GSE1: variants seen among roughly 807,000 people sequenced by gnomAD.
GSE1 encodes the protein genetic suppressor element 1.
A neutral mutation model predicts 112.6 loss-of-function variants in GSE1; 32 were observed. The observed-to-expected ratio is 0.28, with a 90% CI of 0.21 to 0.38. GSE1 has a LOEUF of 0.38. Ranked by LOEUF, GSE1 falls within the 10% of genes least tolerant of loss-of-function variation. GSE1 has a pLI of 1.00. For missense variants in GSE1, 2,348 were observed against 1,699.2 expected (o/e 1.38, Z -6.71); for synonymous variants, 1,115 against 735.6 (o/e 1.52, Z -8.35).
chr16:85,560,803 G>A (rs1036782544), intron 1 of GSE1, among the ~76,000 whole-genome samples: 3 of 151,974 alleles, frequency 2.0e-5, no homozygotes, highest in East Asian at 1.9e-4. Flanking sequence ...ACTCAGTGCC[G>A]GGCCAGTAAT....
chr16:85,559,040 T>C (rs1452880686), intron 1 of GSE1, among the ~76,000 whole-genome samples: 1 of 152,140 alleles, frequency 6.6e-6, no homozygotes, highest in African/African-American at 2.4e-5. Context: ...GTATTTTTAG[T>C]AGAGATGGGG....
intron 1 of GSE1, among the ~76,000 whole-genome samples, chr16:85,618,210 AG>A (rs201999105): frequency 6.6e-6 from 1 of 151,964 alleles, no homozygotes; most frequent in African/African-American, 2.4e-5. Context: ...AGGTGGCGTG[AG>A]GGGGGTGCGT....
At chr16:85,345,281 C>T (rs1002879051) in intron 1 of GSE1, among the ~76,000 whole-genome samples, 5 of 152,160 alleles carry the variant, frequency 3.3e-5, no homozygotes, top group Non-Finnish European at 7.3e-5. Flanking sequence ...TTTTAGTGTC[C>T]GTAAATAAAG....
intron 1 of GSE1, among the ~76,000 whole-genome samples, chr16:85,302,471 C>T (rs2045555339): frequency 6.6e-6 from 1 of 151,628 alleles, no homozygotes; most frequent in Non-Finnish European, 1.5e-5. Flanking sequence ...CCCACACACA[C>T]ACCGATAGTA....
intron 2 of GSE1, among the ~76,000 whole-genome samples, chr16:85,365,218 G>T (rs1028395947): frequency 1.3e-5 from 2 of 152,208 alleles, no homozygotes; most frequent in African/African-American, 4.8e-5. Context: ...CCCGCCCCCA[G>T]TATCCCCGGG....
chr16:85,540,498 AT>A (rs1404346680), intron 2 of GSE1, among the ~76,000 whole-genome samples: 1 of 152,326 alleles, frequency 6.6e-6, no homozygotes, highest in Middle Eastern at 3.4e-3. Context: ...AAAAACAGAA[AT>A]TCAAATTTGC....
intron 2 of GSE1, among the ~76,000 whole-genome samples, chr16:85,404,653 T>A (rs193288193): frequency 2.5e-4 from 10 of 39,888 alleles, no homozygotes; most frequent in East Asian, 1.7e-3. Flanking sequence ...TCGCTGTTAC[T>A]CTCAGGGCCC....
rs564303742 is a variant in GSE1 at position 85,504,734 on chromosome 16, C to T, written c.2465-129180C>T. 3.9e-5 allele frequency among the ~76,000 whole-genome samples: 6 copies of T among 152,242 alleles called. No individual in the cohort carries two copies. In the South Asian group the frequency reaches 1.0e-3, roughly 26 times the overall value. On this transcript the variant is annotated intron_variant, in intron 2 of 2. Coordinates refer to the GSE1 transcript ENST00000637419. ...TCGGGATGTCTGGGGCTGCAGGTTACAGAAAACGTTGACTCAAATTGGCTT... is the reference window on the plus strand; with the variant it reads ...TCGGGATGTCTGGGGCTGCAGGTTATAGAAAACGTTGACTCAAATTGGCTT...
intron 2 of GSE1, among the ~76,000 whole-genome samples, chr16:85,530,551 T>C (rs1422947012): frequency 1.3e-5 from 2 of 152,152 alleles, no homozygotes; most frequent in African/African-American, 4.8e-5. Flanking sequence ...AATCAAGCCC[T>C]TGTAGAAATC....
chr16:85,281,572 C>G (rs185242966), intron 1 of GSE1, among the ~76,000 whole-genome samples: 146 of 152,294 alleles, frequency 9.6e-4, no homozygotes, highest in Non-Finnish European at 1.7e-3. Context: ...CAGTGACTTT[C>G]AAGGATTCCA....
upstream of GSE1, chr16:85,611,668 G>T (rs2047992543): frequency 5.5e-6 from 1 of 182,460 alleles, no homozygotes; most frequent in Non-Finnish European, 1.0e-5. Flanking sequence ...GCGCTCGGTC[G>T]GAGGTCGAGC....
chr16:85,177,592 A>G (rs2074493315), intron 1 of GSE1, among the ~76,000 whole-genome samples: 2 of 152,164 alleles, frequency 1.3e-5, no homozygotes, highest in African/African-American at 4.8e-5. Flanking sequence ...TGCGTTGTGT[A>G]CGTGGTGTCT....
chr16:85,346,103 G>C (rs1443265307), intron 1 of GSE1, among the ~76,000 whole-genome samples: 2 of 151,368 alleles, frequency 1.3e-5, no homozygotes, highest in Non-Finnish European at 2.9e-5. Flanking sequence ...GGGGCGGGCG[G>C]GTGGATGATG....
chr16:85,504,943 G>A lies in GSE1; in HGVS notation c.2465-128971G>A, dbSNP rs541223230. On this transcript the variant is annotated intron_variant, in intron 2 of 2. Transcript: ENST00000637419. ...TGAAGGTCTGAAAGGAAGTTATGAC[G>A]ATGAAGTCGCTGCATCGAGAGTTCC... Among the ~76,000 whole-genome samples the A allele has an allele frequency of 2.6e-5, 4 of 152,304 alleles. No homozygotes were observed. The East Asian group carries it at 7.7e-4, about 29-fold the overall frequency.
At chr16:85,568,576 G>A (rs1011492023) in intron 1 of GSE1, among the ~76,000 whole-genome samples, 5 of 152,162 alleles carry the variant, frequency 3.3e-5, no homozygotes, top group Non-Finnish European at 5.9e-5. Context: ...AATATTCATC[G>A]TTGACTTCAG....
intron 2 of GSE1, among the ~76,000 whole-genome samples, chr16:85,382,825 A>G (rs1567724430): frequency 6.6e-6 from 1 of 150,502 alleles, no homozygotes; most frequent in South Asian, 2.1e-4. Context: ...CACATGCACA[A>G]ACACACTCAT....
intron 13 of GSE1, 21 bp from the exon 14 acceptor site, chr16:85,668,119 C>T (rs778211586): frequency 7.2e-6 from 11 of 1,538,266 alleles, no homozygotes; most frequent in Non-Finnish European, 9.7e-6. Context: ...CACACTGATG[C>T]AAGCCCTGTC....
intron 2 of GSE1, among the ~76,000 whole-genome samples, chr16:85,461,514 G>GA (rs2049966931): frequency 1.3e-5 from 2 of 152,310 alleles, no homozygotes; most frequent in African/African-American, 4.8e-5. Context: ...GCAAGGGGGG[G>GA]AGGGGGCGCT....
At chr16:85,295,172 C>T (rs2045332349) in intron 1 of GSE1, among the ~76,000 whole-genome samples, 1 of 152,226 alleles carries the variant, frequency 6.6e-6, no homozygotes, top group Admixed American at 6.5e-5. Flanking sequence ...CACACTCACC[C>T]AGCGGTTACT....
Sources: gnomAD v4.1 joint callset for allele counts (sites outside exome capture counted in the v4.1 genomes callset) on GRCh38, gnomAD v4.1.1 for gene constraint, MANE v1.5 for transcripts, NCBI Gene and HGNC (gene_info 2026-07-23, HGNC 2026-07-21) for gene names.